The following GABBR2 variants were observed in gnomAD, a reference collection of about 807,000 sequenced individuals.
GABBR2 encodes gamma-aminobutyric acid type B receptor subunit 2.
GABBR2 carries 23 observed loss-of-function variants against 105.6 expected under a neutral mutation model. The observed-to-expected ratio is 0.22, with a 90% confidence interval of 0.16 to 0.31. GABBR2 has a LOEUF of 0.31. Ranked by LOEUF, GABBR2 falls within the 10% of genes least tolerant of loss-of-function variation. The pLI, the probability that GABBR2 is intolerant of heterozygous loss-of-function variation, is 1.00. For synonymous variants in GABBR2, 478 were observed against 499.7 expected (o/e 0.96, Z 0.58); for missense variants, 734 against 1,245.5 (o/e 0.59, Z 6.18).
At chr9:98,456,377 C>T (rs1318158365) in intron 6 of GABBR2, among the ~76,000 whole-genome samples, 1 of 152,132 alleles carries the variant, frequency 6.6e-6, no homozygotes, top group Non-Finnish European at 1.5e-5. Flanking sequence ...CTTGACCCAC[C>T]CGTTGTAAAA....
rs146782411 is a variant in GABBR2, at chr9:98,409,103, G to A, written c.1237-2962C>T. ...TGGGGAAGAGCTTGGAATGTTCAAGGAACAGAAAAGGCCAGCATGGCCGGA... is the reference window on the plus strand; with the variant it reads ...TGGGGAAGAGCTTGGAATGTTCAAGAAACAGAAAAGGCCAGCATGGCCGGA... On this transcript the variant is annotated intron_variant, in intron 7 of 18. Transcript: ENST00000259455. Among the ~76,000 whole-genome samples the A allele has an allele frequency of 8.5e-5, 13 of 152,346 alleles. No individual in the cohort carries two copies. In the East Asian group the frequency reaches 2.5e-3, roughly 29 times the overall value.
At chr9:98,538,629 G>A in intron 3 of GABBR2, 9 of 982,716 alleles carry the variant, frequency 9.2e-6, no homozygotes, top group African/African-American at 1.7e-5. Flanking sequence ...CGCTTCCATA[G>A]TCCTAATGCC....
chr9:98,565,211 G>A (rs1050865524), intron 2 of GABBR2, among the ~76,000 whole-genome samples: 6 of 152,160 alleles, frequency 3.9e-5, no homozygotes, highest in Admixed American at 1.3e-4. Context: ...AAGCTCTGGC[G>A]GAGATCAAGA....
At chr9:98,351,162 A>G (rs1353722491) in intron 13 of GABBR2, among the ~76,000 whole-genome samples, 2 of 99,750 alleles carry the variant, frequency 2.0e-5, no homozygotes, top group African/African-American at 6.2e-5. Flanking sequence ...GGCAGCTTAT[A>G]GTTGGCTTTT....
intron 1 of GABBR2, among the ~76,000 whole-genome samples, chr9:98,667,144 G>A (rs529602148): frequency 6.6e-6 from 1 of 152,288 alleles, no homozygotes; most frequent in Admixed American, 6.5e-5. Context: ...AGAGATGCTG[G>A]GGAATATAGA....
intron 3 of GABBR2, among the ~76,000 whole-genome samples, chr9:98,515,283 T>G (rs1827735250): frequency 6.6e-6 from 1 of 152,108 alleles, no homozygotes; most frequent in Non-Finnish European, 1.5e-5. Context: ...GCTGCCTAGG[T>G]GGTACCTGTT....
intron 7 of GABBR2, among the ~76,000 whole-genome samples, chr9:98,413,454 T>C (rs1285130959): frequency 2.0e-5 from 3 of 152,210 alleles, no homozygotes; most frequent in Non-Finnish European, 4.4e-5. Flanking sequence ...AAATATTCTT[T>C]TTTTTTTCTT....
chr9:98,448,171 G>T (rs966122564), intron 7 of GABBR2, among the ~76,000 whole-genome samples: 3 of 151,904 alleles, frequency 2.0e-5, no homozygotes, highest in African/African-American at 7.3e-5. Flanking sequence ...AACTTAATGG[G>T]TCACTCTCTT....
At chr9:98,466,341 G>A (rs2779520) in intron 6 of GABBR2, among the ~76,000 whole-genome samples, 116,759 of 152,176 alleles carry the variant, frequency 0.77, 45,446 homozygotes, top group East Asian at 0.9. Flanking sequence ...CTGGCAGTGG[G>A]TATTAACTGT....
intron 1 of GABBR2, among the ~76,000 whole-genome samples, chr9:98,628,615 T>C (rs534149933): frequency 6.6e-6 from 1 of 152,350 alleles, no homozygotes; most frequent in East Asian, 1.9e-4. Flanking sequence ...GTACTTGACT[T>C]TTCCTCAGAG....
intron 13 of GABBR2, among the ~76,000 whole-genome samples, chr9:98,354,546 A>C (rs1356411576): frequency 6.6e-6 from 1 of 152,270 alleles, no homozygotes; most frequent in Admixed American, 6.5e-5. Context: ...CTTCTGTATC[A>C]GCACTTGCTG....
chr9:98,373,308 C>T (rs1053459231), intron 11 of GABBR2, among the ~76,000 whole-genome samples: 4 of 152,160 alleles, frequency 2.6e-5, no homozygotes, highest in Admixed American at 6.5e-5. Context: ...GAAATAACAA[C>T]AACAATAACA....
chr9:98,330,322 A>C (rs1282469177), intron 13 of GABBR2, among the ~76,000 whole-genome samples: 1 of 140,280 alleles, frequency 7.1e-6, no homozygotes, highest in African/African-American at 3.3e-5. Context: ...GTTGAAATGC[A>C]TGCATCTTTC....
At chr9:98,662,310 A>G (rs1220796831) in intron 1 of GABBR2, among the ~76,000 whole-genome samples, 1 of 152,220 alleles carries the variant, frequency 6.6e-6, no homozygotes, top group Admixed American at 6.5e-5. Context: ...GAAGATGGGT[A>G]GGGCACTATC....
intron 13 of GABBR2, among the ~76,000 whole-genome samples, chr9:98,324,334 C>T (rs2131379784): frequency 6.6e-6 from 1 of 152,326 alleles, no homozygotes; most frequent in African/African-American, 2.4e-5. Context: ...GTGTAACGGA[C>T]AGCCATGGGC....
intron 6 of GABBR2, among the ~76,000 whole-genome samples, chr9:98,467,267 A>G (rs1405909364): frequency 6.6e-6 from 1 of 152,218 alleles, no homozygotes; most frequent in Non-Finnish European, 1.5e-5. Flanking sequence ...ATGTTGGTAT[A>G]GATGACCAGC....
intron 3 of GABBR2, among the ~76,000 whole-genome samples, chr9:98,515,534 T>C (rs2779563): frequency 0.96 from 146,666 of 152,240 alleles, 70,710 homozygotes; most frequent in African/African-American, 0.99. Context: ...GCAAACCCCC[T>C]TTCTTGGCTT....
intron 18 of GABBR2, among the ~76,000 whole-genome samples, chr9:98,292,328 T>C (rs749017365): frequency 1.3e-5 from 2 of 152,222 alleles, no homozygotes; most frequent in Non-Finnish European, 2.9e-5. Flanking sequence ...AACTTCCCCA[T>C]GGAAACAAAA....
At chr9:98,633,226 A>C (rs752668748) in intron 1 of GABBR2, among the ~76,000 whole-genome samples, 1 of 152,212 alleles carries the variant, frequency 6.6e-6, no homozygotes, top group Non-Finnish European at 1.5e-5. Context: ...GTGCTATGAA[A>C]AACGTGGCAA....
Sources: allele counts gnomAD v4.1 joint callset (sites outside exome capture counted in the v4.1 genomes callset), GRCh38; gene constraint gnomAD v4.1.1; transcripts MANE v1.5; gene names NCBI Gene and HGNC (gene_info 2026-07-23, HGNC 2026-07-21).